Variants in ZNF658 observed in about 807,000 individuals in gnomAD.
The protein encoded by ZNF658 is zinc finger protein 658.
In ZNF658, 46 loss-of-function variants were observed where a neutral mutation model predicts 78.0. The ratio of observed to expected loss-of-function variants is 0.59; its 90% CI spans 0.47 to 0.75. The LOEUF (loss-of-function observed/expected upper bound fraction) is 0.75. ZNF658 is among the 30% of genes least tolerant of loss of function. The pLI, the probability that ZNF658 is intolerant of heterozygous loss-of-function variation, is 0.00. For synonymous variants in ZNF658, 279 were observed against 408.4 expected (o/e 0.68, Z 3.82); for missense variants, 785 against 1,189.3 (o/e 0.66, Z 5.00).
chr9:66,908,651 C>G lies in ZNF658; in HGVS notation c.155C>G (p.Thr52Ser), dbSNP rs372746424. The stretch of plus-strand genomic sequence containing the variant: ...ATTTTGTTTACAGGATATTGCATTA[C>G]TAAACCTAAGGTGATCTCCAAGTTG... ...SHLISVGYCI[T>S]KPKVISKLEK... The change falls in exon 4 of 5, where the codon ACT (threonine) becomes AGT (serine). Residue 52 changes from threonine to serine, a missense_variant. This residue lies in a region of ZNF658 where 79 missense variants were observed against 96.5 expected (regional missense o/e 0.82). Coordinates refer to ENST00000621410, the MANE Select transcript of ZNF658 (RefSeq NM_033160.7). 2.0e-6 allele frequency: 3 copies of G among 1,515,260 alleles called. No individual in the cohort carries two copies. In the South Asian group the frequency reaches 3.4e-5, roughly 17 times the overall value. The allele number at this position is 1,515,260 out of a possible 1,614,324, so 93.9% of individuals were successfully genotyped here.
chr9:66,905,068 CTTTTTTTTT>C (rs1165611922), intron 2 of ZNF658, among the ~76,000 whole-genome samples: 12 of 31,762 alleles, frequency 3.8e-4, no homozygotes, highest in Non-Finnish European at 4.5e-4. Flanking sequence ...TTTTTCTTTT[CTTTTTTTTT>C]TTTTTTTTTT....
intron 4 of ZNF658, among the ~76,000 whole-genome samples, chr9:66,914,158 C>G (rs1171791926): frequency 6.6e-6 from 1 of 151,412 alleles, no homozygotes; most frequent in Non-Finnish European, 1.5e-5. Context: ...AGTCCATACA[C>G]AAAATATCCC....
Position 66,918,667 on chromosome 9 carries a change from C to G in ZNF658, c.1101C>G (p.Asp367Glu). 1 of 1,613,838 alleles carries G rather than the reference C, an allele frequency of 6.2e-7. No individual in the cohort carries two copies. The highest frequency in any genetic ancestry group is 2.2e-5 in the East Asian group (1 of 44,868). The change falls in exon 5 of 5, where the codon GAC becomes GAG. Residue 367 changes from aspartate to glutamate, a missense_variant. Asp to Glu is a conservative substitution (Grantham distance 45). Coordinates refer to ENST00000621410, the MANE Select transcript of ZNF658 (RefSeq NM_033160.7). Reference sequence around the variant, plus strand: ...CAGATGCCCTCTACCAGAAATTAGACTTTACAGCACATCAGAGAATTCACA... The same window carrying G: ...CAGATGCCCTCTACCAGAAATTAGAGTTTACAGCACATCAGAGAATTCACA... ...ECTDALYQKL[D>E]FTAHQRIHTE...
downstream of ZNF658, among the ~76,000 whole-genome samples, chr9:66,925,520 C>T (rs952302277): frequency 3.3e-5 from 5 of 151,922 alleles, no homozygotes; most frequent in Non-Finnish European, 7.4e-5. Context: ...AACATACAAC[C>T]TACCAAGAGT....
chr9:66,930,618 G>A (rs1334983637), intron 6 of ZNF658, among the ~76,000 whole-genome samples: 3 of 151,896 alleles, frequency 2.0e-5, no homozygotes, highest in African/African-American at 7.3e-5. Context: ...GACCATTCTG[G>A]TCAACATGGT....
At chr9:66,925,829 A>C (rs571032690), downstream of ZNF658, among the ~76,000 whole-genome samples, 13 of 151,358 alleles carry the variant, frequency 8.6e-5, no homozygotes, top group Non-Finnish European at 1.6e-4. Context: ...ATATAGATGC[A>C]AGGATCCTCA....
chr9:66,905,163 C>T (rs1392528221), intron 2 of ZNF658, among the ~76,000 whole-genome samples: 1 of 144,630 alleles, frequency 6.9e-6, no homozygotes, highest in Non-Finnish European at 1.5e-5. Context: ...GTAACCTCCA[C>T]CTTCCGGGTT....
rs765800627 is a variant in ZNF658 at position 66,919,984 on chromosome 9, T to A, written c.2418T>A (p.Thr806=). 6.2e-7 allele frequency: 1 copy of A among 1,608,172 alleles called. No individual in the cohort carries two copies. The highest frequency in any genetic ancestry group is 2.2e-5 in the East Asian group (1 of 44,672). ...ATGAATGTAACGTATGTGGGAAAAC[T>A]TTTGTCTATAAGGCAGCCCTCATAG... is the stretch of plus-strand genomic sequence containing the variant. ...KPYECNVCGK[T]FVYKAALIVH... Residue 806 remains threonine, a synonymous_variant, in exon 5 of 5, where the codon ACT becomes ACA. Transcript: ENST00000621410.
chr9:66,904,358 C>T (rs1037304873), intron 2 of ZNF658, among the ~76,000 whole-genome samples: 11 of 151,586 alleles, frequency 7.3e-5, no homozygotes, highest in South Asian at 4.2e-4. Context: ...GGAACATTTC[C>T]GTTAGTGATA....
chr9:66,910,184 A>G (rs1269604599), intron 4 of ZNF658, among the ~76,000 whole-genome samples: 1 of 152,208 alleles, frequency 6.6e-6, no homozygotes, highest in African/African-American at 2.4e-5. Flanking sequence ...AAGGACACAA[A>G]TAAGTCTATA....
At chr9:66,915,060 C>T (rs1308690350) in intron 4 of ZNF658, among the ~76,000 whole-genome samples, 2 of 11,358 alleles carry the variant, frequency 1.8e-4, no homozygotes, top group African/African-American at 2.9e-4. Flanking sequence ...ATTGCACACA[C>T]ACACACACAC....
rs1407510421 is a variant in ZNF658 at position 66,918,271 on chromosome 9, T to C, written c.705T>C (p.Ser235=). 3.1e-6 allele frequency: 5 copies of C among 1,613,214 alleles called. No individual in the cohort carries two copies. Among genetic ancestry groups the C allele is most frequent in the Non-Finnish European group, 4.2e-6 (5 of 1,179,670 alleles). The stretch of plus-strand genomic sequence containing the variant: ...AGACAATTTGTATTACACCTCAGAG[T>C]TTTCTAACAGGAGAAAAGTCCTGTA... The part of the protein sequence containing the change: ...YDKTICITPQ[S]FLTGEKSCKD... The change falls in exon 5 of 5, where the codon AGT becomes AGC. Residue 235 remains serine, a synonymous_variant. Coordinates refer to ENST00000621410, the MANE Select transcript of ZNF658 (RefSeq NM_033160.7).
In ZNF658 at chr9:66,918,858, C is replaced by A. The variant is rs761991683; in HGVS notation, c.1292C>A (p.Pro431His). 1 of 1,603,878 alleles carries A rather than the reference C, an allele frequency of 6.2e-7. No homozygotes were observed. Among genetic ancestry groups the A allele is most frequent in the East Asian group, 2.2e-5 (1 of 44,680 alleles). The change falls in exon 5 of 5, where the codon CCT becomes CAT. Residue 431 changes from proline to histidine, a missense_variant. Around this residue, in one of 12 missense-constraint regions of ZNF658, gnomAD observed 393 missense variants for 400.2 expected, o/e 0.98. Transcript: ENST00000621410. ...TCAAGTTCACATCCTATTCAGCATC[C>A]TGGAACTTATGTGGGATTCAAACTT... ...FCSSSHPIQH[P>H]GTYVGFKLYE...
At chr9:66,915,782 T>TA (rs1353147822) in intron 4 of ZNF658, among the ~76,000 whole-genome samples, 2 of 139,650 alleles carry the variant, frequency 1.4e-5, no homozygotes, top group African/African-American at 5.3e-5. Context: ...AAAAACTTTT[T>TA]AAAAAATTAA....
At position 66,908,251 on chromosome 9, in the gene ZNF658, T is replaced by G. The variant is rs781739265; in HGVS notation, c.29T>G (p.Phe10Cys). The G allele has an allele frequency of 3.1e-6, 5 of 1,614,052 alleles. No homozygotes were observed. Among genetic ancestry groups the G allele is most frequent in the Non-Finnish European group, 4.2e-6 (5 of 1,179,976 alleles). Residue 10 changes from phenylalanine to cysteine, a missense_variant, in exon 3 of 5, where the codon TTC becomes TGC. Physicochemically the swap from Phe to Cys is radical, Grantham distance 205 (BLOSUM62 -2). Transcript: ENST00000621410. MNMSQASVS[F>C]QDVTVEFTRE... ...ATGTTGTTACAGGCATCAGTGTCAT[T>G]CCAGGACGTGACTGTGGAATTCACC...
rs774904332 is a variant in ZNF658, at chr9:66,918,265, T to C, written c.699T>C (p.Pro233=). 3 of 1,613,204 alleles carry C rather than the reference T, an allele frequency of 1.9e-6. No homozygotes were observed. Among genetic ancestry groups the C allele is most frequent in the Non-Finnish European group, 2.5e-6 (3 of 1,179,518 alleles). ...ATGATAAGACAATTTGTATTACACC[T>C]CAGAGTTTTCTAACAGGAGAAAAGT... ...GLYDKTICIT[P]QSFLTGEKSC... is the part of the protein sequence containing the mutation. The change falls in exon 5 of 5, where the codon CCT becomes CCC. Residue 233 remains proline, a synonymous_variant. Coordinates refer to ENST00000621410, the MANE Select transcript of ZNF658 (RefSeq NM_033160.7).
At chr9:66,911,108 GC>G (rs201319142) in intron 4 of ZNF658, among the ~76,000 whole-genome samples, 54,477 of 114,604 alleles carry the variant, frequency 0.48, 12,756 homozygotes, top group African/African-American at 0.6. Flanking sequence ...AAATAAATAT[GC>G]CTAGAGAGGC....
intron 6 of ZNF658, among the ~76,000 whole-genome samples, chr9:66,927,788 G>C (rs1373661380): frequency 2.3e-4 from 33 of 144,926 alleles, no homozygotes; most frequent in African/African-American, 7.9e-4. Context: ...ATCTTAGATA[G>C]TGAAAATATT....
At chr9:66,907,095 CT>C (rs1203695491) in intron 2 of ZNF658, among the ~76,000 whole-genome samples, 1 of 151,016 alleles carries the variant, frequency 6.6e-6, no homozygotes, top group Non-Finnish European at 1.5e-5. Context: ...GTGGCCTGTA[CT>C]TTTTCTGCTT....
Sources: gnomAD v4.1 joint callset for allele counts (sites outside exome capture counted in the v4.1 genomes callset) on GRCh38, gnomAD v4.1.1 for gene constraint, gnomAD v4.1.1 regional missense constraint, MANE v1.5 for transcripts, NCBI Gene and HGNC (gene_info 2026-07-23, HGNC 2026-07-21) for gene names.